Variants in PDZRN4 observed in about 807,000 individuals in gnomAD.
PDZRN4 encodes the protein PDZ domain-containing RING finger protein 4.
In PDZRN4, 70 loss-of-function variants were observed where a neutral mutation model predicts 99.0. That is an observed-to-expected ratio of 0.71 (90% CI 0.58 to 0.86). The LOEUF is 0.86. PDZRN4 is among the 40% of genes least tolerant of loss of function. The probability of loss-of-function intolerance (pLI) is 0.00; values close to 1 mark genes in which losing one functional copy is unlikely to be tolerated. For synonymous variants in PDZRN4, 551 were observed against 501.6 expected, an observed-to-expected ratio of 1.10 and a Z score of -1.32; for missense variants, 1,474 against 1,331.2, an observed-to-expected ratio of 1.11 and a Z score of -1.67.
At chr12:41,563,900 T>G (rs575986157) in intron 8 of PDZRN4, among the ~76,000 whole-genome samples, 1 of 152,178 alleles carries the variant, frequency 6.6e-6, no homozygotes, top group Non-Finnish European at 1.5e-5. Flanking sequence ...TATTACACAT[T>G]AAAGACTTCC....
intron 3 of PDZRN4, among the ~76,000 whole-genome samples, chr12:41,405,311 G>T (rs749689751): frequency 2.0e-5 from 3 of 152,052 alleles, no homozygotes; most frequent in Admixed American, 6.5e-5. Flanking sequence ...CTTCTCAAAA[G>T]AAGACATACA....
intron 3 of PDZRN4, among the ~76,000 whole-genome samples, chr12:41,360,367 A>G (rs1365833072): frequency 6.6e-6 from 1 of 152,014 alleles, no homozygotes; most frequent in East Asian, 1.9e-4. Flanking sequence ...ATATAAAATA[A>G]TTTTTAGGCA....
intron 3 of PDZRN4, among the ~76,000 whole-genome samples, chr12:41,494,184 C>T (rs889838344): frequency 2.0e-5 from 3 of 151,914 alleles, no homozygotes; most frequent in Non-Finnish European, 4.4e-5. Flanking sequence ...ACTGTATTTA[C>T]TAAAAGGAAA....
chr12:41,446,696 G>A (rs936948770), intron 3 of PDZRN4, among the ~76,000 whole-genome samples: 1 of 151,970 alleles, frequency 6.6e-6, no homozygotes, highest in Non-Finnish European at 1.5e-5. Context: ...TATCATGAAG[G>A]AATTAGAAGA....
intron 3 of PDZRN4, among the ~76,000 whole-genome samples, chr12:41,269,281 G>A (rs1303096105): frequency 6.6e-6 from 1 of 152,100 alleles, no homozygotes; most frequent in Non-Finnish European, 1.5e-5. Flanking sequence ...CATACTATAA[G>A]CATTTGACAG....
At chr12:41,543,654 T>A (rs1355752718) in intron 5 of PDZRN4, among the ~76,000 whole-genome samples, 1 of 152,204 alleles carries the variant, frequency 6.6e-6, no homozygotes. Context: ...TTGGCTTTTA[T>A]TCGCTTTTTT....
chr12:41,201,509 C>G (rs1040351579), intron 3 of PDZRN4, among the ~76,000 whole-genome samples: 3 of 152,058 alleles, frequency 2.0e-5, no homozygotes, highest in African/African-American at 7.2e-5. Flanking sequence ...ATTGAACTTA[C>G]TATCTTCAGC....
intron 8 of PDZRN4, among the ~76,000 whole-genome samples, chr12:41,566,239 G>A (rs1939368100): frequency 6.6e-6 from 1 of 151,940 alleles, no homozygotes; most frequent in South Asian, 2.1e-4. Flanking sequence ...AATCCTCAAA[G>A]GACTCTGTTT....
At chr12:41,451,182 A>G (rs1952771419) in intron 3 of PDZRN4, among the ~76,000 whole-genome samples, 2 of 151,884 alleles carry the variant, frequency 1.3e-5, no homozygotes, top group African/African-American at 4.8e-5. Context: ...TTTAAAAAAA[A>G]AAAACTTAGA....
intron 3 of PDZRN4, among the ~76,000 whole-genome samples, chr12:41,246,607 C>A (rs1200371321): frequency 2.0e-5 from 3 of 152,078 alleles, no homozygotes; most frequent in Admixed American, 1.3e-4. Flanking sequence ...GTAACAAGTT[C>A]CTGGCATTTT....
At chr12:41,508,481 C>T (rs867472095) in intron 4 of PDZRN4, among the ~76,000 whole-genome samples, 23 of 152,176 alleles carry the variant, frequency 1.5e-4, no homozygotes, top group Admixed American at 3.3e-4. Flanking sequence ...AGCACTTGGC[C>T]TTGCATCTGG....
intron 3 of PDZRN4, among the ~76,000 whole-genome samples, chr12:41,454,156 C>T (rs1952799181): frequency 6.6e-6 from 1 of 151,976 alleles, no homozygotes; most frequent in Non-Finnish European, 1.5e-5. Flanking sequence ...TTGGAAGGCT[C>T]AATCTTCCTA....
intron 3 of PDZRN4, among the ~76,000 whole-genome samples, chr12:41,377,813 A>C (rs1384988118): frequency 6.6e-6 from 1 of 152,072 alleles, no homozygotes; most frequent in East Asian, 1.9e-4. Flanking sequence ...GAACTCTATT[A>C]CTTTTCTATG....
chr12:41,538,994 C>G (rs1199067614), intron 5 of PDZRN4, among the ~76,000 whole-genome samples: 1 of 152,008 alleles, frequency 6.6e-6, no homozygotes, highest in African/African-American at 2.4e-5. Flanking sequence ...TTAAACATTA[C>G]AGTCCGCTGT....
At chr12:41,361,840 G>T (rs1951965493) in intron 3 of PDZRN4, among the ~76,000 whole-genome samples, 1 of 152,028 alleles carries the variant, frequency 6.6e-6, no homozygotes, top group African/African-American at 2.4e-5. Flanking sequence ...GAAAGAGGAT[G>T]AATCTGGCAC....
At chr12:41,506,821 C>T (rs1475095676) in intron 4 of PDZRN4, 109 bp downstream of exon 4, 1 of 1,221,626 alleles carries the variant, frequency 8.2e-7, no homozygotes, top group Admixed American at 2.4e-5. Flanking sequence ...TGGAGACAGG[C>T]TTCCCAGCTC....
chr12:41,298,323 T>C (rs1401435504), intron 3 of PDZRN4, among the ~76,000 whole-genome samples: 2 of 152,322 alleles, frequency 1.3e-5, no homozygotes, highest in Admixed American at 6.5e-5. Flanking sequence ...GCTATTTGTA[T>C]GTTATACATT....
Position 41,340,945 on chromosome 12 carries a change from C to T in PDZRN4, c.843+146757C>T, listed in dbSNP as rs535516976. ...ACTACAGGCCAATATTACTGATGAA[C>T]ATAGATACAAAAATTCTCAACAAGA... On this transcript the variant is annotated intron_variant, in intron 3 of 9. Transcript: ENST00000402685. Among the ~76,000 whole-genome samples the T allele has an allele frequency of 3.3e-5, 5 of 151,752 alleles. No individual in the cohort carries two copies. In the South Asian group the frequency reaches 1.0e-3, roughly 32 times the overall value.
chr12:41,508,895 A>G (rs1041538269), intron 4 of PDZRN4, among the ~76,000 whole-genome samples: 1 of 152,144 alleles, frequency 6.6e-6, no homozygotes, highest in African/African-American at 2.4e-5. Flanking sequence ...CACTGGCAGG[A>G]GTTAGAGGTC....
Sources: gnomAD v4.1 joint callset for allele counts (sites outside exome capture counted in the v4.1 genomes callset) on GRCh38, gnomAD v4.1.1 for gene constraint, MANE v1.5 for transcripts, NCBI Gene and HGNC (gene_info 2026-07-23, HGNC 2026-07-21) for gene names.